The following RPRD1A variants were observed in gnomAD, a reference collection of about 807,000 sequenced individuals.
The protein encoded by RPRD1A is regulation of nuclear pre-mRNA domain containing 1A.
RPRD1A carries 9 observed loss-of-function variants against 37.8 expected under a neutral mutation model. The ratio of observed to expected loss-of-function variants is 0.24; its 90% CI spans 0.14 to 0.42. The LOEUF is 0.42. Among genes scored for constraint, RPRD1A ranks in the 10% least tolerant of loss-of-function variants. The pLI is 1.00. For synonymous variants in RPRD1A, 138 were observed against 139.7 expected, an observed-to-expected ratio of 0.99 and a Z score of 0.08; for missense variants, 255 against 371.0, an observed-to-expected ratio of 0.69 and a Z score of 2.57.
At position 36,007,789 on chromosome 18, in the gene RPRD1A, T is replaced by G. The variant is rs534219822; in HGVS notation, c.790-14489A>C. Among the ~76,000 whole-genome samples the G allele has an allele frequency of 4.6e-5, 7 of 151,554 alleles. No individual in the cohort carries two copies. In the South Asian group the frequency reaches 1.5e-3, roughly 32 times the overall value. ...CCCATCTCTACCAAAAATACAAAAA[T>G]TAGCCGGGCGTGGTGGCATGCACCT... On this transcript the variant is annotated intron_variant, in intron 6 of 6. Coordinates refer to ENST00000399022, the MANE Select transcript of RPRD1A (RefSeq NM_018170.5).
chr18:36,035,478 G>C (rs1912123988), intron 1 of RPRD1A, among the ~76,000 whole-genome samples: 1 of 152,090 alleles, frequency 6.6e-6, no homozygotes, highest in Non-Finnish European at 1.5e-5. Flanking sequence ...AGCCAGGATT[G>C]GAATCCAAAA....
chr18:36,057,303 A>G (rs1006255033), intron 1 of RPRD1A, among the ~76,000 whole-genome samples: 2 of 151,898 alleles, frequency 1.3e-5, no homozygotes, highest in Non-Finnish European at 2.9e-5. Flanking sequence ...ATTTTCAGAC[A>G]TAAAACACTA....
chr18:36,057,554 G>GT (rs1034053569), intron 1 of RPRD1A, among the ~76,000 whole-genome samples: 2 of 152,214 alleles, frequency 1.3e-5, no homozygotes, highest in African/African-American at 4.8e-5. Flanking sequence ...AGAGGTTGCT[G>GT]TGAGTTGAGA....
At chr18:35,998,125 A>C (rs1164581412) in intron 6 of RPRD1A, among the ~76,000 whole-genome samples, 2 of 152,160 alleles carry the variant, frequency 1.3e-5, no homozygotes, top group African/African-American at 4.8e-5. Context: ...TCGGGAGGCC[A>C]AGGCGGGCGG....
At chr18:36,010,380 C>T (rs1367577675) in intron 6 of RPRD1A, among the ~76,000 whole-genome samples, 1 of 151,980 alleles carries the variant, frequency 6.6e-6, no homozygotes, top group Non-Finnish European at 1.5e-5. Context: ...GTAGTTCTAG[C>T]TTCTTGGGAA....
intron 1 of RPRD1A, among the ~76,000 whole-genome samples, chr18:36,065,444 T>A (rs540082933): frequency 6.6e-6 from 1 of 152,224 alleles, no homozygotes; most frequent in Non-Finnish European, 1.5e-5. Flanking sequence ...ATTCTCAAAC[T>A]AATGGAATGG....
intron 1 of RPRD1A, among the ~76,000 whole-genome samples, chr18:36,045,118 T>TA (rs1265021849): frequency 6.6e-6 from 1 of 151,958 alleles, no homozygotes; most frequent in African/African-American, 2.4e-5. Flanking sequence ...TGCATGCCTG[T>TA]AATCCCTGCT....
At chr18:36,051,445 A>G (rs993509831) in intron 1 of RPRD1A, among the ~76,000 whole-genome samples, 4 of 152,336 alleles carry the variant, frequency 2.6e-5, no homozygotes, top group East Asian at 1.9e-4. Flanking sequence ...CCAAGAAAAT[A>G]TAACTGGGGG....
chr18:36,057,051 CAAAAAA>C (rs35428437), intron 1 of RPRD1A, among the ~76,000 whole-genome samples: 29 of 44,730 alleles, frequency 6.5e-4, no homozygotes, highest in Non-Finnish European at 8.4e-4. Flanking sequence ...CCTGTTTCTA[CAAAAAA>C]AAAAAAAAAA....
At chr18:36,055,058 A>G (rs73946762) in intron 1 of RPRD1A, among the ~76,000 whole-genome samples, 13,887 of 152,226 alleles carry the variant, frequency 0.091, 674 homozygotes, top group African/African-American at 0.13. Context: ...ATATCCAGAA[A>G]TGGCTGGCTG....
chr18:36,009,997 C>T (rs1232337101), intron 6 of RPRD1A, among the ~76,000 whole-genome samples: 1 of 152,070 alleles, frequency 6.6e-6, no homozygotes, highest in Non-Finnish European at 1.5e-5. Flanking sequence ...TTGCCATCAA[C>T]AGACATGTAA....
intron 6 of RPRD1A, among the ~76,000 whole-genome samples, chr18:36,004,150 A>C (rs555419194): frequency 9.9e-5 from 15 of 150,960 alleles, no homozygotes; most frequent in African/African-American, 3.6e-4. Flanking sequence ...CTCTAACATG[A>C]ATCTTACTTC....
intron 1 of RPRD1A, among the ~76,000 whole-genome samples, chr18:36,047,124 C>G (rs1190371634): frequency 6.6e-6 from 1 of 152,004 alleles, no homozygotes; most frequent in African/African-American, 2.4e-5. Context: ...AGGAGGCTCG[C>G]TTGAGCCCAG....
chr18:36,024,124 T>C (rs544572576), intron 6 of RPRD1A, among the ~76,000 whole-genome samples: 1 of 152,166 alleles, frequency 6.6e-6, no homozygotes, highest in Non-Finnish European at 1.5e-5. Flanking sequence ...AATAGTCTAT[T>C]TTAACAGTTA....
intron 6 of RPRD1A, among the ~76,000 whole-genome samples, chr18:36,009,911 C>G (rs1028671989): frequency 1.3e-5 from 2 of 152,196 alleles, no homozygotes; most frequent in African/African-American, 4.8e-5. Context: ...ACCCTCTCAA[C>G]CCCTGCATTT....
intron 1 of RPRD1A, among the ~76,000 whole-genome samples, chr18:36,048,135 G>T (rs552212016): frequency 5.4e-4 from 77 of 142,998 alleles, no homozygotes; most frequent in South Asian, 4.5e-3. Flanking sequence ...GGCGCCACCT[G>T]GGCTCACCGC....
Position 36,026,908 on chromosome 18 carries a change from T to C in RPRD1A, c.781A>G (p.Lys261Glu). ...QKEALAEKEH[K>E]LEEYKRKLAR... ...AGAAAAAGGTTACGCACTTCCAATTTATGCTCTTTCTCTGCAAGGGCTTCC... is the reference window on the plus strand; with the variant it reads ...AGAAAAAGGTTACGCACTTCCAATTCATGCTCTTTCTCTGCAAGGGCTTCC... The change falls in exon 6 of 7, where the codon AAA (lysine) becomes GAA (glutamate). Residue 261 changes from lysine to glutamate, a missense_variant. By Grantham distance (56) the Lys-to-Glu change is moderately conservative. Coordinates refer to ENST00000399022, the MANE Select transcript of RPRD1A (RefSeq NM_018170.5). 1 of 1,613,326 alleles carries C rather than the reference T, an allele frequency of 6.2e-7. No individual in the cohort carries two copies. The highest frequency in any genetic ancestry group is 1.1e-5 in the South Asian group (1 of 90,946).
chr18:36,004,673 C>T (rs1332457684), intron 6 of RPRD1A, among the ~76,000 whole-genome samples: 1 of 152,074 alleles, frequency 6.6e-6, no homozygotes, highest in African/African-American at 2.4e-5. Context: ...AAAAAAAGTT[C>T]CACTCTTATT....
intron 1 of RPRD1A, among the ~76,000 whole-genome samples, chr18:36,065,734 C>T (rs1283607411): frequency 6.6e-6 from 1 of 152,202 alleles, no homozygotes; most frequent in African/African-American, 2.4e-5. Context: ...CAACAATTAT[C>T]CATATTGTCA....
Sources: allele counts gnomAD v4.1 joint callset (sites outside exome capture counted in the v4.1 genomes callset), GRCh38; gene constraint gnomAD v4.1.1; transcripts MANE v1.5; gene names NCBI Gene and HGNC (gene_info 2026-07-23, HGNC 2026-07-21).